Variants in FLVCR2 observed in about 807,000 individuals in gnomAD.
FLVCR2 encodes FLVCR choline and putative heme transporter 2, also known as choline/ethanolamine transporter FLVCR2.
In FLVCR2, 38 loss-of-function variants were observed where a neutral mutation model predicts 48.9. The observed-to-expected ratio is 0.78, with a 90% CI of 0.60 to 1.02. The LOEUF (loss-of-function observed/expected upper bound fraction) is 1.02, where lower values mean the gene tolerates loss of function less well. Ranked by LOEUF, FLVCR2 falls within the 50% of genes least tolerant of loss-of-function variation. FLVCR2 has a pLI of 0.00. For synonymous variants in FLVCR2, 255 were observed against 257.0 expected, an observed-to-expected ratio of 0.99 and a Z score of 0.07; for missense variants, 664 against 663.3, an observed-to-expected ratio of 1.00 and a Z score of -0.01.
At chr14:75,591,244 T>C (rs2140008923) in intron 1 of FLVCR2, among the ~76,000 whole-genome samples, 1 of 152,336 alleles carries the variant, frequency 6.6e-6, no homozygotes, top group Non-Finnish European at 1.5e-5. Flanking sequence ...AGTTTCGCCA[T>C]GTTGCCCATA....
In FLVCR2 at chr14:75,616,026, C is replaced by CAAAAA. The variant is rs10629813; in HGVS notation, c.670-6035_670-6031dup. Reference sequence around the variant, plus strand: ...TGGGTGACAGAGTGAGACTCCATCTCAAAAAAAAAAAAAAAAAAAAAATAG... The same window carrying CAAAAA: ...TGGGTGACAGAGTGAGACTCCATCTCAAAAAAAAAAAAAAAAAAAAAAAAAAATAG... On this transcript the variant is annotated intron_variant, in intron 1 of 9. Transcript: ENST00000238667. 8.9e-3 allele frequency among the ~76,000 whole-genome samples: 229 copies of CAAAAA among 25,612 alleles called. 52 individuals carry two copies. Among genetic ancestry groups the CAAAAA allele is most frequent in the South Asian group, 0.013 (5 of 382 alleles). 16.8% of individuals were successfully genotyped at this position (25,612 alleles called of 152,430 possible).
At chr14:75,586,564 T>A (rs763796022) in intron 1 of FLVCR2, among the ~76,000 whole-genome samples, 26 of 152,214 alleles carry the variant, frequency 1.7e-4, no homozygotes, top group Admixed American at 4.6e-4. Context: ...ATGTAACCTT[T>A]AATTTAGAAA....
At chr14:75,599,319 G>A (rs1353866464) in intron 1 of FLVCR2, among the ~76,000 whole-genome samples, 8 of 147,274 alleles carry the variant, frequency 5.4e-5, no homozygotes, top group Non-Finnish European at 8.9e-5. Context: ...CACTGACAAT[G>A]TACAACACCC....
At position 75,620,671 on chromosome 14, in the gene FLVCR2, C is replaced by T. The variant is rs117147432; in HGVS notation, c.670-1408C>T. On this transcript the variant is annotated intron_variant, in intron 1 of 9. Coordinates refer to ENST00000238667, the MANE Select transcript of FLVCR2 (RefSeq NM_017791.3). ...ACTTTCTAAAATATCTAGCAGAGTACGTTTTAAAGATGCATTTGGTTAATT... is the reference window on the plus strand; with the variant it reads ...ACTTTCTAAAATATCTAGCAGAGTATGTTTTAAAGATGCATTTGGTTAATT... Among the ~76,000 whole-genome samples, 1,112 of 152,300 alleles carry T rather than the reference C, an allele frequency of 7.3e-3. 10 individuals carry two copies. The highest frequency in any genetic ancestry group is 9.2e-3 in the Non-Finnish European group (627 of 68,030).
chr14:75,638,780 C>T (rs559748310), intron 5 of FLVCR2, among the ~76,000 whole-genome samples: 5 of 152,130 alleles, frequency 3.3e-5, no homozygotes, highest in Admixed American at 6.5e-5. Flanking sequence ...ACAAAGATAT[C>T]GTAAGATGGC....
At chr14:75,583,319 G>A (rs919368735) in intron 1 of FLVCR2, among the ~76,000 whole-genome samples, 2 of 152,168 alleles carry the variant, frequency 1.3e-5, no homozygotes, top group Non-Finnish European at 2.9e-5. Flanking sequence ...CAGGTGAAAT[G>A]GCGGAATTGT....
intron 2 of FLVCR2, among the ~76,000 whole-genome samples, chr14:75,622,587 A>G (rs542264017): frequency 2.0e-5 from 3 of 152,352 alleles, no homozygotes; most frequent in Admixed American, 6.5e-5. Context: ...CAACAGCCCT[A>G]TCAGTGAGGC....
intron 1 of FLVCR2, among the ~76,000 whole-genome samples, chr14:75,600,193 G>T (rs533178492): frequency 1.3e-5 from 2 of 152,276 alleles, no homozygotes; most frequent in African/African-American, 4.8e-5. Flanking sequence ...TAATGCATTA[G>T]CATGTTAAAA....
chr14:75,637,902 G>A (rs1182499824), intron 5 of FLVCR2, among the ~76,000 whole-genome samples: 1 of 152,056 alleles, frequency 6.6e-6, no homozygotes, highest in Non-Finnish European at 1.5e-5. Context: ...AGAGTCCTAG[G>A]TGGGCAACAT....
At chr14:75,590,263 G>A (rs1888849007) in intron 1 of FLVCR2, among the ~76,000 whole-genome samples, 1 of 152,178 alleles carries the variant, frequency 6.6e-6, no homozygotes, top group Admixed American at 6.5e-5. Flanking sequence ...TCAGCACCAA[G>A]CCGTTCATGG....
intron 1 of FLVCR2, among the ~76,000 whole-genome samples, chr14:75,612,482 G>A (rs1253657631): frequency 6.6e-6 from 1 of 152,146 alleles, no homozygotes; most frequent in Non-Finnish European, 1.5e-5. Context: ...CTTCCTGAGT[G>A]ATTTTCCACC....
intron 1 of FLVCR2, among the ~76,000 whole-genome samples, chr14:75,619,690 G>C (rs1365483960): frequency 1.3e-5 from 2 of 152,198 alleles, no homozygotes; most frequent in African/African-American, 4.8e-5. Flanking sequence ...TACCTCCATA[G>C]CCAATTTCCT....
intron 1 of FLVCR2, among the ~76,000 whole-genome samples, chr14:75,602,394 T>C (rs1308837982): frequency 6.6e-6 from 1 of 152,152 alleles, no homozygotes; most frequent in Non-Finnish European, 1.5e-5. Flanking sequence ...GATGGGGTTG[T>C]ACATTTCCAA....
chr14:75,636,763 T>G (rs905770902), intron 5 of FLVCR2, among the ~76,000 whole-genome samples: 8 of 152,220 alleles, frequency 5.3e-5, no homozygotes, highest in Non-Finnish European at 8.8e-5. Context: ...CTCGTCACTC[T>G]AAGGCTCCCA....
chr14:75,624,852 C>A, intron 3 of FLVCR2, 100 bp downstream of exon 3: 1 of 1,440,182 alleles, frequency 6.9e-7, no homozygotes, highest in East Asian at 2.3e-5. Context: ...CCCAAATGTG[C>A]ATGTAAAGCT....
chr14:75,605,857 T>C (rs748126517), intron 1 of FLVCR2: 9 of 539,554 alleles, frequency 1.7e-5, no homozygotes, highest in Non-Finnish European at 3.0e-5. Context: ...TCTCCTTTTT[T>C]TCTTCTCTCC....
chr14:75,640,689 T>C, intron 6 of FLVCR2: 1 of 509,694 alleles, frequency 2.0e-6, no homozygotes. Flanking sequence ...GCTGACTGGC[T>C]GTCACTGATG....
rs1345435680 is a variant in FLVCR2 at position 75,639,418 on chromosome 14, C to A, written c.1191C>A (p.Asn397Lys). The part of the protein sequence containing the change: ...VGMVVYTFTL[N>K]LGHLWVVFIT... The stretch of plus-strand genomic sequence containing the variant: ...TGGTGGTGTACACGTTTACCTTGAA[C>A]CTGGGACACCTGTGGGTAGTGTTCA... Residue 397 changes from asparagine (N) to lysine (K), a missense_variant, in exon 6 of 10, where the codon AAC becomes AAA. Transcript: ENST00000238667. The A allele has an allele frequency of 6.2e-7, 1 of 1,613,958 alleles. No homozygotes were observed. The highest frequency in any genetic ancestry group is 1.1e-5 in the South Asian group (1 of 91,088).
chr14:75,632,742 A>G (rs1890076007), intron 3 of FLVCR2: 4 of 702,252 alleles, frequency 5.7e-6, no homozygotes, highest in Non-Finnish European at 1.0e-5. Context: ...ATGTTTAGTT[A>G]AAGTTAGAAA....
Sources: allele counts gnomAD v4.1 joint callset (sites outside exome capture counted in the v4.1 genomes callset), GRCh38; gene constraint gnomAD v4.1.1; transcripts MANE v1.5; gene names NCBI Gene and HGNC (gene_info 2026-07-23, HGNC 2026-07-21).